The following CNTN5 variants were observed in gnomAD, a reference collection of about 807,000 sequenced individuals.
The protein encoded by CNTN5 is contactin-5.
Under a neutral mutation model 129.1 loss-of-function variants are expected in CNTN5, and 77 were observed. The ratio of observed to expected loss-of-function variants is 0.60; its 90% CI spans 0.50 to 0.72. CNTN5 has a LOEUF of 0.72. Among genes scored for constraint, CNTN5 ranks in the 30% least tolerant of loss-of-function variants. CNTN5 has a pLI of 0.00. For missense variants in CNTN5, 1,478 were observed against 1,328.8 expected, an observed-to-expected ratio of 1.11 and a Z score of -1.75; for synonymous variants, 509 against 465.6, an observed-to-expected ratio of 1.09 and a Z score of -1.20.
chr11:99,128,730 A>G (rs1858776328), intron 1 of CNTN5, among the ~76,000 whole-genome samples: 1 of 152,198 alleles, frequency 6.6e-6, no homozygotes, highest in South Asian at 2.1e-4. Context: ...GGCTGGCATC[A>G]GGTCGGTGCC....
At chr11:99,545,249 A>G (rs569290756) in intron 2 of CNTN5, among the ~76,000 whole-genome samples, 2 of 152,342 alleles carry the variant, frequency 1.3e-5, no homozygotes, top group East Asian at 1.9e-4. Flanking sequence ...TTGCCTTGGA[A>G]TTATTTACAA....
intron 13 of CNTN5, among the ~76,000 whole-genome samples, chr11:100,137,773 A>G (rs1403233998): frequency 6.6e-6 from 1 of 152,144 alleles, no homozygotes; most frequent in African/African-American, 2.4e-5. Flanking sequence ...ATTAATTGAA[A>G]TACATTATAA....
chr11:99,734,424 C>T (rs1240310565), intron 3 of CNTN5, among the ~76,000 whole-genome samples: 2 of 152,092 alleles, frequency 1.3e-5, no homozygotes, highest in African/African-American at 4.8e-5. Flanking sequence ...TAGGTGTCAT[C>T]GTATCATCTC....
In CNTN5 at chr11:100,178,767, G is replaced by T. The variant is rs1192395975; in HGVS notation, c.1581-12359G>T. Among the ~76,000 whole-genome samples, 5 of 152,142 alleles carry T rather than the reference G, an allele frequency of 3.3e-5. No individual in the cohort carries two copies. The South Asian group carries it at 1.0e-3, about 31-fold the overall frequency. On this transcript the variant is annotated intron_variant, in intron 13 of 24. Coordinates refer to ENST00000524871, the MANE Select transcript of CNTN5 (RefSeq NM_014361.4). ...GTGACAAATTTAAAAGTCACAGTTT[G>T]ATTTGGGATATTCTATTTTTCTCTA... is the stretch of plus-strand genomic sequence containing the variant.
intron 8 of CNTN5, among the ~76,000 whole-genome samples, chr11:99,963,083 A>G (rs553575440): frequency 3.0e-4 from 46 of 152,278 alleles, no homozygotes; most frequent in Admixed American, 2.0e-3. Context: ...AGTAGATTGC[A>G]AAAATTTTCT....
intron 2 of CNTN5, among the ~76,000 whole-genome samples, chr11:99,402,368 A>T (rs6590091): frequency 1.3e-5 from 2 of 152,168 alleles, no homozygotes; most frequent in South Asian, 2.1e-4. Context: ...CTGATGTATT[A>T]CATTGATTAA....
chr11:99,459,295 A>G (rs553560173), intron 2 of CNTN5, among the ~76,000 whole-genome samples: 212 of 152,108 alleles, frequency 1.4e-3, no homozygotes, highest in Non-Finnish European at 2.2e-3. Flanking sequence ...GGGAGTGAGG[A>G]AAATGAATTT....
chr11:100,078,536 C>T (rs181114130), intron 13 of CNTN5, among the ~76,000 whole-genome samples: 4 of 152,138 alleles, frequency 2.6e-5, no homozygotes, highest in East Asian at 3.9e-4. Context: ...GAGTTCGTAG[C>T]GTTTATGATT....
chr11:99,409,280 C>A (rs372767817), intron 2 of CNTN5, among the ~76,000 whole-genome samples: 1 of 151,940 alleles, frequency 6.6e-6, no homozygotes, highest in Non-Finnish European at 1.5e-5. Flanking sequence ...CAAGCTAACA[C>A]GGTGAAACCG....
intron 15 of CNTN5, among the ~76,000 whole-genome samples, chr11:100,209,552 G>A (rs1948982092): frequency 6.6e-6 from 1 of 152,084 alleles, no homozygotes; most frequent in Non-Finnish European, 1.5e-5. Context: ...AATTAACAGG[G>A]AAACATTAAT....
chr11:99,138,794 T>A (rs911866775), intron 1 of CNTN5, among the ~76,000 whole-genome samples: 1 of 152,190 alleles, frequency 6.6e-6, no homozygotes, highest in African/African-American at 2.4e-5. Context: ...ATTTCATTAG[T>A]ATGAAGATAC....
chr11:100,356,041 C>CGT, intron 24 of CNTN5, 76 bp from the exon 25 acceptor site: 1 of 907,260 alleles, frequency 1.1e-6, no homozygotes, highest in Non-Finnish European at 1.8e-6. Context: ...ATTAGTCTTA[C>CGT]ATACTAAAAA....
rs575094112 is a variant in CNTN5, at chr11:99,214,721, C to T, written c.-209-110625C>T. Among the ~76,000 whole-genome samples, 17 of 152,110 alleles carry T rather than the reference C, an allele frequency of 1.1e-4. No homozygotes were observed. In the East Asian group the frequency reaches 1.9e-3, roughly 17 times the overall value. On this transcript the variant is annotated intron_variant, in intron 1 of 24. Transcript: ENST00000524871. ...ACACTGTAGAATGTTTTACACATTA[C>T]TCTCAATGTAAATTCACTCAATCTT...
At chr11:99,537,677 A>G (rs895911800) in intron 2 of CNTN5, among the ~76,000 whole-genome samples, 1 of 152,166 alleles carries the variant, frequency 6.6e-6, no homozygotes, top group Admixed American at 6.6e-5. Context: ...TACAGAGCTC[A>G]TGTTGTCTGT....
chr11:100,158,891 C>G (rs1045736425), intron 13 of CNTN5, among the ~76,000 whole-genome samples: 1 of 151,818 alleles, frequency 6.6e-6, no homozygotes, highest in Non-Finnish European at 1.5e-5. Flanking sequence ...GCACTGTTAG[C>G]ACTAGCAAAA....
At chr11:100,210,326 G>T (rs1949004395) in intron 15 of CNTN5, among the ~76,000 whole-genome samples, 1 of 149,068 alleles carries the variant, frequency 6.7e-6, no homozygotes, top group Non-Finnish European at 1.5e-5. Flanking sequence ...CTCCAACCTG[G>T]GTGACAGGGC....
chr11:99,896,474 A>G (rs1364952105), intron 6 of CNTN5, among the ~76,000 whole-genome samples: 2 of 152,090 alleles, frequency 1.3e-5, no homozygotes, highest in African/African-American at 4.8e-5. Context: ...GATACAGAGG[A>G]GTAGCAGGCA....
chr11:100,288,257 C>A (rs1479205065), intron 18 of CNTN5, among the ~76,000 whole-genome samples: 2 of 151,970 alleles, frequency 1.3e-5, no homozygotes, highest in Non-Finnish European at 2.9e-5. Context: ...ACCAAGTGGA[C>A]CTAATAGACA....
intron 3 of CNTN5, among the ~76,000 whole-genome samples, chr11:99,615,859 T>C (rs1950744605): frequency 6.6e-6 from 1 of 152,024 alleles, no homozygotes; most frequent in South Asian, 2.1e-4. Context: ...CATCTTGCAC[T>C]CAAGCGATCC....
Sources: allele counts gnomAD v4.1 joint callset (sites outside exome capture counted in the v4.1 genomes callset), GRCh38; gene constraint gnomAD v4.1.1; transcripts MANE v1.5; gene names NCBI Gene and HGNC (gene_info 2026-07-23, HGNC 2026-07-21).